ZNF354C: variants seen among roughly 807,000 people sequenced by gnomAD.
ZNF354C encodes zinc finger protein 354C, also known as KRAB-zinc finger protein synten.
In ZNF354C, 7 loss-of-function variants were observed where a neutral mutation model predicts 12.4. That is an observed-to-expected ratio of 0.56 (90% CI 0.32 to 1.06). ZNF354C has a LOEUF of 1.06. Among genes scored for constraint, ZNF354C ranks in the 50% least tolerant of loss-of-function variants. The pLI is 0.04. For synonymous variants in ZNF354C, 202 were observed against 224.5 expected, an observed-to-expected ratio of 0.90 and a Z score of 0.90; for missense variants, 609 against 658.0, an observed-to-expected ratio of 0.93 and a Z score of 0.81.
Position 179,083,829 on chromosome 5 carries a change from T to A in ZNF354C, c.*3732T>A, listed in dbSNP as rs1762259467. Among the ~76,000 whole-genome samples the A allele has an allele frequency of 6.6e-6, 1 of 152,182 alleles. No homozygotes were observed. Among genetic ancestry groups the A allele is most frequent in the Non-Finnish European group, 1.5e-5 (1 of 68,016 alleles). On this transcript the variant is annotated 3_prime_UTR_variant, in exon 5 of 5. Coordinates refer to ENST00000315475, the MANE Select transcript of ZNF354C (RefSeq NM_014594.3). Reference sequence around the variant, plus strand: ...ATTGTGGCGCTCCTGGGCATTCCTGTGGTGAGGACAGAGATGGCTGAGCAG... The same window carrying A: ...ATTGTGGCGCTCCTGGGCATTCCTGAGGTGAGGACAGAGATGGCTGAGCAG...
chr5:179,079,370 C>A lies in ZNF354C; in HGVS notation c.938C>A (p.Ser313Ter). ...TGTGGTAAAGCCTTTAGCCAGTGTT[C>A]AACCCTCACTGTACATCAGAGAATT... ...RECGKAFSQCSTLTVHQRIHT... is the reference protein window; with the variant it reads ...RECGKAFSQC The change falls in exon 5 of 5, where the codon TCA (serine) becomes TAA (stop). Residue 313 changes from serine (S) to a stop codon, truncating the protein, a stop_gained. Coordinates refer to ENST00000315475, the MANE Select transcript of ZNF354C (RefSeq NM_014594.3). LOFTEE classifies it low-confidence loss of function (END_TRUNC). The surrounding 1 kb of genome is among the most constrained non-coding windows in gnomAD (Gnocchi z 4.2). 2 of 1,614,110 alleles carry A rather than the reference C, an allele frequency of 1.2e-6. No individual in the cohort carries two copies. The highest frequency in any genetic ancestry group is 1.6e-4 in the Middle Eastern group (1 of 6,062).
rs745596823 is a variant in ZNF354C, at chr5:179,079,585, A to G, written c.1153A>G (p.Thr385Ala). 3 of 1,614,158 alleles carry G rather than the reference A, an allele frequency of 1.9e-6. No homozygotes were observed. In the Admixed American group the frequency reaches 5.0e-5, roughly 27 times the overall value. The change falls in exon 5 of 5, where the codon ACA (threonine) becomes GCA (alanine). Residue 385 changes from threonine to alanine, a missense_variant. Coordinates refer to ENST00000315475, the MANE Select transcript of ZNF354C (RefSeq NM_014594.3). This position sits in a 1 kb window ranked among gnomAD's most constrained non-coding sequence, Gnocchi z 4.2. ...QRFHTGEQLY[T>A]CLECGRTFTR... is the part of the protein sequence containing the mutation. ...GTTTCATACTGGAGAACAACTGTAT[A>G]CATGCTTGGAATGTGGGAGAACCTT...
intron 2 of ZNF354C, among the ~76,000 whole-genome samples, chr5:179,071,172 C>T (rs1273823094): frequency 1.3e-5 from 2 of 151,690 alleles, no homozygotes; most frequent in East Asian, 1.9e-4. Flanking sequence ...TTTTAAATGC[C>T]GGCAGGACTC....
At chr5:179,077,345 A>G (rs1288484249) in intron 4 of ZNF354C, among the ~76,000 whole-genome samples, 179 bp downstream of exon 4, 1 of 152,242 alleles carries the variant, frequency 6.6e-6, no homozygotes, top group Non-Finnish European at 1.5e-5. Context: ...CAGTTATCTA[A>G]TGTTAACCTA....
chr5:179,063,246 C>G (rs537798250), intron 2 of ZNF354C, among the ~76,000 whole-genome samples: 2 of 152,254 alleles, frequency 1.3e-5, no homozygotes, highest in Admixed American at 6.5e-5. Context: ...ACATACATGA[C>G]TGAGTTGCTA....
In ZNF354C at chr5:179,062,093, C is replaced by T. The variant is rs1471770355; in HGVS notation, c.25C>T (p.Gln9Ter). 1 of 1,614,150 alleles carries T rather than the reference C, an allele frequency of 6.2e-7. No individual in the cohort carries two copies. The highest frequency in any genetic ancestry group is 1.7e-5 in the Admixed American group (1 of 60,020). The change falls in exon 2 of 5, where the codon CAG (glutamine) becomes TAG (stop). Residue 9 changes from glutamine (Q) to a stop codon, truncating the protein, a stop_gained and splice_region_variant. Transcript: ENST00000315475. LOFTEE classifies it high-confidence loss of function. The part of the protein sequence containing the change: MAVDLLSA[Q>*]EPVTFRDVAV... Reference sequence around the variant, plus strand: ...GATGGCTGTGGATCTGCTGTCTGCTCAGGTGAGAGTGAGTGAAGGTTGTCT... The same window carrying T: ...GATGGCTGTGGATCTGCTGTCTGCTTAGGTGAGAGTGAGTGAAGGTTGTCT...
At position 179,079,790 on chromosome 5, in the gene ZNF354C, C is replaced by T; in HGVS notation, c.1358C>T (p.Ser453Phe). ...EECGKAFGCKSNLYRHQRIHT... is the reference protein window; with the variant it reads ...EECGKAFGCKFNLYRHQRIHT... ...TGTGGGAAAGCCTTTGGTTGCAAAT[C>T]TAACCTTTATAGGCATCAGAGAATT... The change falls in exon 5 of 5, where the codon TCT becomes TTT. Residue 453 changes from serine (S) to phenylalanine (F), a missense_variant. Physicochemically the swap from Ser to Phe is radical, Grantham distance 155. Transcript: ENST00000315475. The surrounding 1 kb of genome is among the most constrained non-coding windows in gnomAD (Gnocchi z 4.2). The T allele has an allele frequency of 6.2e-7, 1 of 1,614,120 alleles. No individual in the cohort carries two copies. Among genetic ancestry groups the T allele is most frequent in the Non-Finnish European group, 8.5e-7 (1 of 1,180,014 alleles).
intron 1 of ZNF354C, 123 bp from the exon 2 acceptor site, chr5:179,061,892 C>G: frequency 1.4e-6 from 1 of 708,474 alleles, no homozygotes; most frequent in Non-Finnish European, 2.5e-6. Flanking sequence ...ACTCTTCTTG[C>G]TTTACATCAT....
In ZNF354C at chr5:179,082,705, T is replaced by G; in HGVS notation, c.*2608T>G. On this transcript the variant is annotated 3_prime_UTR_variant, in exon 5 of 5. Transcript: ENST00000315475. ...ATGACACCAGCTTGACGGATCTTTC[T>G]TTCTGCACCAAACCCCATTGAGTTA... 1 of 1,590,358 alleles carries G rather than the reference T, an allele frequency of 6.3e-7. No homozygotes were observed. The highest frequency in any genetic ancestry group is 1.1e-5 in the South Asian group (1 of 90,400).
intron 2 of ZNF354C, among the ~76,000 whole-genome samples, chr5:179,069,804 T>G (rs1762023125): frequency 6.6e-6 from 1 of 152,032 alleles, no homozygotes; most frequent in Non-Finnish European, 1.5e-5. Context: ...AGGCGGAGCT[T>G]GCAGTGAGCC....
At chr5:179,069,169 G>A (rs1762003063) in intron 2 of ZNF354C, among the ~76,000 whole-genome samples, 1 of 152,172 alleles carries the variant, frequency 6.6e-6, no homozygotes, top group South Asian at 2.1e-4. Context: ...GGTTCAGGCC[G>A]TGACAGGAAG....
In ZNF354C at chr5:179,079,568, C is replaced by T. The variant is rs1762191272; in HGVS notation, c.1136C>T (p.Thr379Ile). 1 of 1,614,136 alleles carries T rather than the reference C, an allele frequency of 6.2e-7. No individual in the cohort carries two copies. Among genetic ancestry groups the T allele is most frequent in the South Asian group, 1.1e-5 (1 of 91,082 alleles). The stretch of plus-strand genomic sequence containing the variant: ...CTAGCTGAACATCAGAGGTTTCATA[C>T]TGGAGAACAACTGTATACATGCTTG... ...TSLAEHQRFH[T>I]GEQLYTCLEC... The change falls in exon 5 of 5, where the codon ACT (threonine) becomes ATT (isoleucine). Residue 379 changes from threonine (T) to isoleucine (I), a missense_variant. Physicochemically the swap from Thr to Ile is moderately conservative, Grantham distance 89. Transcript: ENST00000315475. The surrounding 1 kb of genome is among the most constrained non-coding windows in gnomAD (Gnocchi z 4.2).
At chr5:179,069,774 G>A (rs972310103) in intron 2 of ZNF354C, among the ~76,000 whole-genome samples, 3 of 151,872 alleles carry the variant, frequency 2.0e-5, no homozygotes, top group Non-Finnish European at 4.4e-5. Flanking sequence ...GCTGAGGCAG[G>A]AGAATGGTGT....
At position 179,081,879 on chromosome 5, in the gene ZNF354C, G is replaced by T. The variant is rs1477341345; in HGVS notation, c.*1782G>T. The T allele has an allele frequency of 6.6e-6, 1 of 152,100 alleles. No homozygotes were observed. Among genetic ancestry groups the T allele is most frequent in the Non-Finnish European group, 1.5e-5 (1 of 68,018 alleles). The allele number at this position is 152,100 out of a possible 1,614,324, so 9.4% of individuals were successfully genotyped here. A position where few individuals can be genotyped will look rare whatever the true frequency, so the allele number is the denominator to read the frequency against. On this transcript the variant is annotated 3_prime_UTR_variant, in exon 5 of 5. Coordinates refer to ENST00000315475, the MANE Select transcript of ZNF354C (RefSeq NM_014594.3). ...AGACTAATGGGGTAATGTCAGAAGG[G>T]AACAGGCGCCAAGTTGAAGGTATTC...
chr5:179,072,262 T>A (rs1762062191), intron 2 of ZNF354C, among the ~76,000 whole-genome samples: 1 of 151,698 alleles, frequency 6.6e-6, no homozygotes, highest in African/African-American at 2.4e-5. Context: ...CTATGAAGTT[T>A]TAGAACTGAA....
Position 179,078,438 on chromosome 5 carries a change from T to C in ZNF354C, c.251-245T>C, listed in dbSNP as rs192002544. ...TGTTCTTCTGCATCTAACTTTACTA[T>C]ATCCAGGTGGAATCGCTTCATTTTC... is the stretch of plus-strand genomic sequence containing the variant. On this transcript the variant is annotated intron_variant, in intron 4 of 4. Transcript: ENST00000315475. 3.7e-4 allele frequency among the ~76,000 whole-genome samples: 57 copies of C among 152,360 alleles called. No individual in the cohort carries two copies. The East Asian group carries it at 5.0e-3, about 13-fold the overall frequency.
chr5:179,071,894 G>T (rs889590673), intron 2 of ZNF354C, among the ~76,000 whole-genome samples: 4 of 152,118 alleles, frequency 2.6e-5, no homozygotes, highest in Admixed American at 1.3e-4. Context: ...ATTTGATGCT[G>T]CCCACTAGAG....
At chr5:179,062,691 G>A (rs965078259) in intron 2 of ZNF354C, among the ~76,000 whole-genome samples, 2 of 152,220 alleles carry the variant, frequency 1.3e-5, no homozygotes, top group Non-Finnish European at 2.9e-5. Context: ...GGAGTTCAGC[G>A]TGGTTTGGGC....
At position 179,079,253 on chromosome 5, in the gene ZNF354C, G is replaced by A. The variant is rs757076422; in HGVS notation, c.821G>A (p.Cys274Tyr). The A allele has an allele frequency of 1.9e-6, 3 of 1,614,158 alleles. No homozygotes were observed. The highest frequency in any genetic ancestry group is 2.5e-6 in the Non-Finnish European group (3 of 1,180,036). Residue 274 changes from cysteine (C) to tyrosine (Y), a missense_variant, in exon 5 of 5, where the codon TGT becomes TAT. Transcript: ENST00000315475. This position sits in a 1 kb window ranked among gnomAD's most constrained non-coding sequence, Gnocchi z 4.2. ...RIHTGEKPYK[C>Y]NECEKAFSNS... ...CATACTGGAGAGAAACCTTACAAGT[G>A]TAATGAATGTGAGAAGGCATTTAGC...
Sources: gnomAD v4.1 joint callset for allele counts (sites outside exome capture counted in the v4.1 genomes callset) on GRCh38, gnomAD v4.1.1 for gene constraint, Gnocchi (gnomAD v3.1) non-coding constraint, MANE v1.5 for transcripts, NCBI Gene and HGNC (gene_info 2026-07-23, HGNC 2026-07-21) for gene names.